MARF1: variants seen among roughly 807,000 people sequenced by gnomAD.
MARF1 encodes the protein meiosis regulator and mRNA stability factor 1, also known as limkain-b1.
Under a neutral mutation model 168.2 loss-of-function variants are expected in MARF1, and 24 were observed. That is an observed-to-expected ratio of 0.14 (90% CI 0.10 to 0.20). The LOEUF is 0.20. Ranked by LOEUF, MARF1 falls within the 10% of genes least tolerant of loss-of-function variation. The pLI, the probability that MARF1 is intolerant of heterozygous loss-of-function variation, is 1.00. For missense variants in MARF1, 1,744 were observed against 2,143.6 expected (o/e 0.81, Z 3.68); for synonymous variants, 868 against 822.4 (o/e 1.06, Z -0.95).
At chr16:15,631,614 A>G (rs2035261058) in intron 5 of MARF1, 116 bp from the exon 6 acceptor site, 2 of 601,286 alleles carry the variant, frequency 3.3e-6, no homozygotes, top group South Asian at 2.0e-5. Context: ...TCTGGGGTAC[A>G]TGTGCAGAAC....
At chr16:15,601,716 G>T in intron 23 of MARF1, 2 of 534,196 alleles carry the variant, frequency 3.7e-6, no homozygotes, top group Non-Finnish European at 6.7e-6. Context: ...CTAGTTGCCT[G>T]CTTGGGGGTC....
intron 1 of MARF1, 147 bp downstream of exon 1, chr16:15,642,871 G>A (rs1313720214): frequency 6.2e-6 from 1 of 161,818 alleles, no homozygotes; most frequent in Non-Finnish European, 1.4e-5. Context: ...GGCCCAACTG[G>A]CGCGTCCCAG....
chr16:15,603,486 TTTAAAAGG>T (rs1210539732), intron 22 of MARF1, among the ~76,000 whole-genome samples: 1 of 152,170 alleles, frequency 6.6e-6, no homozygotes, highest in Non-Finnish European at 1.5e-5. Flanking sequence ...AGAATGGTTT[TTTAAAAGG>T]TAGATTTATC....
chr16:15,608,260 G>GAAAA (rs748965777), intron 21 of MARF1, 31 bp downstream of exon 21: 180 of 831,790 alleles, frequency 2.2e-4, no homozygotes, highest in South Asian at 3.9e-4. Flanking sequence ...TCCCATGAGG[G>GAAAA]AAAAAAAAAA....
rs2035908841 is a variant in MARF1 at position 15,640,952 on chromosome 16, CAT to C, written c.-58-1663_-58-1662del. Among the ~76,000 whole-genome samples the C allele has an allele frequency of 2.0e-5, 3 of 152,246 alleles. No homozygotes were observed. The South Asian group carries it at 6.2e-4, about 32-fold the overall frequency. On this transcript the variant is annotated intron_variant, in intron 1 of 26. Transcript: ENST00000396368. Reference sequence around the variant, plus strand: ...AATAAAATAAAGTTCAAAAAATTAGCATAGTGTGGCAGCATGCGCCTAGTCCC... The same window carrying C: ...AATAAAATAAAGTTCAAAAAATTAGCAGTGTGGCAGCATGCGCCTAGTCCC...
rs140240605 is a variant in MARF1 at position 15,633,175 on chromosome 16, C to CCACACACACACACACACA, written c.1233+424_1233+441dup. Among the ~76,000 whole-genome samples the CCACACACACACACACACA allele has an allele frequency of 4.9e-4, 67 of 136,958 alleles. 1 individual carries two copies. In the South Asian group the frequency reaches 5.5e-3, roughly 11 times the overall value. 89.8% of individuals were successfully genotyped at this position (136,958 alleles called of 152,430 possible). ...CAGAATTCTAAAAAAAAAAAAAACA[C>CCACACACACACACACACA]CACACACACACACACACACACACAC... is the stretch of plus-strand genomic sequence containing the variant. On this transcript the variant is annotated intron_variant, in intron 5 of 26. Coordinates refer to ENST00000396368, the MANE Select transcript of MARF1 (RefSeq NM_014647.4).
At chr16:15,621,240 A>C (rs2034438041) in intron 12 of MARF1, among the ~76,000 whole-genome samples, 1 of 152,228 alleles carries the variant, frequency 6.6e-6, no homozygotes, top group South Asian at 2.1e-4. Flanking sequence ...GACCCAAAGA[A>C]GTATCACATT....
chr16:15,625,427 C>G lies in MARF1; in HGVS notation c.1898G>C (p.Gly633Ala). 1 of 1,613,240 alleles carries G rather than the reference C, an allele frequency of 6.2e-7. No homozygotes were observed. Among genetic ancestry groups the G allele is most frequent in the Non-Finnish European group, 8.5e-7 (1 of 1,179,716 alleles). The stretch of plus-strand genomic sequence containing the variant: ...AGCAGATCCAGAATTTGCCTGTGAC[C>G]CTTTTCCAGGCGTGGCTTTGGCACT... ...SSSAKATPGK[G>A]SQANSGSATK... The change falls in exon 8 of 27, where the codon GGG becomes GCG. Residue 633 changes from glycine to alanine, a missense_variant. Physicochemically the swap from Gly to Ala is moderately conservative, Grantham distance 60. Coordinates refer to ENST00000396368, the MANE Select transcript of MARF1 (RefSeq NM_014647.4).
At position 15,639,111 on chromosome 16, in the gene MARF1, C is replaced by T. The variant is rs1399154013; in HGVS notation, c.123G>A (p.Thr41=). ...TTACCGTTTGGGGACTATGTGGCAGCGTCTGCTCAGGACGAGAAAAGCAAT... is the reference window on the plus strand; with the variant it reads ...TTACCGTTTGGGGACTATGTGGCAGTGTCTGCTCAGGACGAGAAAAGCAAT... ...FSNCFSRPEQ[T]LPHSPQTKEY... Residue 41 remains threonine (T), a synonymous_variant, in exon 2 of 27, where the codon ACG becomes ACA. Transcript: ENST00000396368. 3 of 1,613,954 alleles carry T rather than the reference C, an allele frequency of 1.9e-6. No homozygotes were observed. The South Asian group carries it at 3.3e-5, about 18-fold the overall frequency.
At chr16:15,597,817 C>T (rs1262306563) in intron 26 of MARF1, among the ~76,000 whole-genome samples, 1 of 152,224 alleles carries the variant, frequency 6.6e-6, no homozygotes, top group East Asian at 1.9e-4. Context: ...GAGCTAACAT[C>T]AATGTGCCAC....
At chr16:15,639,773 A>G (rs2035832196) in intron 1 of MARF1, among the ~76,000 whole-genome samples, 1 of 152,240 alleles carries the variant, frequency 6.6e-6, no homozygotes, top group Non-Finnish European at 1.5e-5. Flanking sequence ...ATATCAGAGC[A>G]TATTACGGGT....
chr16:15,625,271 T>C lies in MARF1; in HGVS notation c.1954-98A>G, dbSNP rs1190054407. On this transcript the variant is annotated intron_variant, in intron 8 of 26. Transcript: ENST00000396368. ...ATTGACTTTGAGTATCATCAAACACTGAAATCAAAAAGGGACACGCCAAAA... is the reference window on the plus strand; with the variant it reads ...ATTGACTTTGAGTATCATCAAACACCGAAATCAAAAAGGGACACGCCAAAA... 6 of 1,550,224 alleles carry C rather than the reference T, an allele frequency of 3.9e-6. No individual in the cohort carries two copies. The East Asian group carries it at 1.1e-4, about 29-fold the overall frequency.
chr16:15,606,541 CCTCT>C (rs1305057731), intron 21 of MARF1, among the ~76,000 whole-genome samples: 4 of 151,942 alleles, frequency 2.6e-5, no homozygotes, highest in South Asian at 4.1e-4. Context: ...CCCTGCCTCT[CCTCT>C]CTCTCTCTAA....
chr16:15,601,359 T>G (rs2032405297), intron 23 of MARF1: 1 of 291,566 alleles, frequency 3.4e-6, no homozygotes, highest in Admixed American at 4.4e-5. Flanking sequence ...CCCTTCTCCA[T>G]GCCTGCTTCT....
intron 19 of MARF1, 151 bp from the exon 20 acceptor site, chr16:15,609,876 T>G: frequency 1.5e-6 from 1 of 649,776 alleles, no homozygotes; most frequent in Non-Finnish European, 2.6e-6. Flanking sequence ...ACATATACTC[T>G]TCCCTCTTTG....
At position 15,625,471 on chromosome 16, in the gene MARF1, A is replaced by T. The variant is rs1159668924; in HGVS notation, c.1854T>A (p.Asp618Glu). Residue 618 changes from aspartate (D) to glutamate (E), a missense_variant, in exon 8 of 27, where the codon GAT becomes GAA. Asp to Glu is a conservative substitution (Grantham distance 45). This residue lies in a region of MARF1 where 270 missense variants were observed against 260.6 expected (regional missense o/e 1.04). Coordinates refer to ENST00000396368, the MANE Select transcript of MARF1 (RefSeq NM_014647.4). Reference protein sequence around the residue: ...LKNPKLCLIKDASEQSSSAKA... With the variant: ...LKNPKLCLIKEASEQSSSAKA... ...TGGCACTGGAAGATTGTTCACTTGC[A>T]TCTTTGATGAGGCACAATTTTGGAT... The T allele has an allele frequency of 6.2e-7, 1 of 1,614,084 alleles. No individual in the cohort carries two copies. Among genetic ancestry groups the T allele is most frequent in the African/African-American group, 1.3e-5 (1 of 74,944 alleles).
At chr16:15,617,220 A>G in intron 14 of MARF1, 49 bp from the exon 15 acceptor site, 1 of 1,611,804 alleles carries the variant, frequency 6.2e-7, no homozygotes, top group East Asian at 2.2e-5. Context: ...CAGGGGTCTA[A>G]GATGTTCACA....
At position 15,611,795 on chromosome 16, in the gene MARF1, G is replaced by A. The variant is rs2033584152; in HGVS notation, c.3475-61C>T. ...CTCAGCAGACAGCGACTTCCTTGCT[G>A]CTGGCTCACCCTCTCGTTACTAGCC... On this transcript the variant is annotated intron_variant, in intron 17 of 26. Coordinates refer to ENST00000396368, the MANE Select transcript of MARF1 (RefSeq NM_014647.4). 32 of 1,464,132 alleles carry A rather than the reference G, an allele frequency of 2.2e-5. No homozygotes were observed. In the South Asian group the frequency reaches 3.6e-4, roughly 16 times the overall value. The allele number at this position is 1,464,132 out of a possible 1,614,324, so 90.7% of individuals were successfully genotyped here.
At chr16:15,599,094 A>C (rs1386202716) in intron 25 of MARF1, 70 bp from the exon 26 acceptor site, 24 of 1,384,854 alleles carry the variant, frequency 1.7e-5, no homozygotes, top group Non-Finnish European at 2.3e-5. Context: ...CCCTGGGCTC[A>C]CACCTGAAGT....
Sources: gnomAD v4.1 joint callset for allele counts (sites outside exome capture counted in the v4.1 genomes callset) on GRCh38, gnomAD v4.1.1 for gene constraint, gnomAD v4.1.1 regional missense constraint, MANE v1.5 for transcripts, NCBI Gene and HGNC (gene_info 2026-07-23, HGNC 2026-07-21) for gene names.